EVI5L: variants seen among roughly 807,000 people sequenced by gnomAD.
EVI5L encodes the protein EVI5-like protein.
A neutral mutation model predicts 106.1 loss-of-function variants in EVI5L; 30 were observed. The ratio of observed to expected loss-of-function variants is 0.28; its 90% CI spans 0.21 to 0.38. EVI5L has a LOEUF of 0.38. EVI5L is among the 10% of genes least tolerant of loss of function. EVI5L has a pLI of 1.00. For missense variants in EVI5L, 809 were observed against 1,098.0 expected, an observed-to-expected ratio of 0.74 and a Z score of 3.72; for synonymous variants, 489 against 483.3, an observed-to-expected ratio of 1.01 and a Z score of -0.15.
At chr19:7,849,414 T>G in intron 5 of EVI5L, 84 bp downstream of exon 5, 1 of 1,448,716 alleles carries the variant, frequency 6.9e-7, no homozygotes. Context: ...AGAAGTGGCG[T>G]GTCCTCCACC....
intron 8 of EVI5L, among the ~76,000 whole-genome samples, chr19:7,852,001 G>A (rs79270900): frequency 6.6e-6 from 1 of 152,316 alleles, no homozygotes; most frequent in East Asian, 1.9e-4. Flanking sequence ...GCCGCAGGGA[G>A]ACAGGAGGCC....
At position 7,845,329 on chromosome 19, in the gene EVI5L, C is replaced by A. The variant is rs1265870369; in HGVS notation, c.-47-1167C>A. On this transcript the variant is annotated intron_variant, in intron 1 of 19. Transcript: ENST00000538904. The surrounding 1 kb of genome is among the most constrained non-coding windows in gnomAD (Gnocchi z 4.0). ...GAAGAAGCATGAAGGAACACCATCC[C>A]CAGCCGCTGCCTCCACTCCCATAGC... 6.6e-6 allele frequency among the ~76,000 whole-genome samples: 1 copy of A among 152,082 alleles called. No homozygotes were observed. The highest frequency in any genetic ancestry group is 1.5e-5 in the Non-Finnish European group (1 of 67,976).
intron 2 of EVI5L, among the ~76,000 whole-genome samples, chr19:7,847,107 C>T (rs1245097785): frequency 6.6e-6 from 1 of 152,172 alleles, no homozygotes; most frequent in Non-Finnish European, 1.5e-5. Flanking sequence ...GCCTGGCCAA[C>T]ATGGTGAAAT....
At position 7,857,961 on chromosome 19, in the gene EVI5L, G is replaced by C. The variant is rs1470198234; in HGVS notation, c.1234-230G>C. The C allele has an allele frequency of 3.5e-5, 19 of 549,096 alleles. No individual in the cohort carries two copies. The highest frequency in any genetic ancestry group is 5.9e-5 in the Non-Finnish European group (18 of 307,328). 34.0% of individuals were successfully genotyped at this position (549,096 alleles called of 1,614,324 possible). A position where few individuals can be genotyped will look rare whatever the true frequency, so the allele number is the denominator to read the frequency against. On this transcript the variant is annotated intron_variant, in intron 12 of 19. Coordinates refer to ENST00000538904, the MANE Select transcript of EVI5L (RefSeq NM_001159944.3). The surrounding 1 kb of genome is among the most constrained non-coding windows in gnomAD (Gnocchi z 4.5). ...AAGGAGATGGAGCTTTCCAAGCCCA[G>C]GGCTAGCTCTGTTCCTCCCGGGCTC...
intron 17 of EVI5L, 142 bp downstream of exon 17, chr19:7,862,676 G>A (rs1278210930): frequency 3.0e-6 from 2 of 660,136 alleles, no homozygotes; most frequent in Non-Finnish European, 4.2e-6. Flanking sequence ...CCCGCCCGCG[G>A]CCCCGCCTCC....
chr19:7,838,964 C>G (rs1000049662), intron 1 of EVI5L, among the ~76,000 whole-genome samples: 1 of 151,276 alleles, frequency 6.6e-6, no homozygotes. Context: ...CCAGTGCACT[C>G]CAGCCTGGGA....
chr19:7,831,226 AACACACACACACACACACACACAC>A (rs4045095), intron 1 of EVI5L, among the ~76,000 whole-genome samples: 2 of 130,364 alleles, frequency 1.5e-5, no homozygotes, highest in African/African-American at 5.9e-5. Context: ...GAAAACCCCA[AACACACACACACACACACACACAC>A]ACACACACAC....
chr19:7,849,642 G>A (rs554726976), intron 5 of EVI5L, among the ~76,000 whole-genome samples: 1 of 152,326 alleles, frequency 6.6e-6, no homozygotes, highest in East Asian at 1.9e-4. Flanking sequence ...ATCCAGCGTG[G>A]TGTTTATGGG....
chr19:7,834,026 G>T (rs1010040288), intron 1 of EVI5L, among the ~76,000 whole-genome samples: 1 of 152,302 alleles, frequency 6.6e-6, no homozygotes, highest in East Asian at 1.9e-4. Flanking sequence ...TTCTCAGCAT[G>T]CCACGATATG....
intron 1 of EVI5L, 38 bp from the exon 2 acceptor site, chr19:7,846,458 C>G: frequency 6.7e-7 from 1 of 1,490,628 alleles, no homozygotes. Flanking sequence ...GGAGTGGGCT[C>G]CCACCCAATG....
intron 1 of EVI5L, 120 bp from the exon 2 acceptor site, chr19:7,846,376 T>C (rs1454228828): frequency 1.2e-6 from 1 of 859,916 alleles, no homozygotes; most frequent in Non-Finnish European, 1.7e-6. Flanking sequence ...GGATGAGGGG[T>C]GCACGGACGG....
rs1568234188 is a variant in EVI5L at position 7,842,326 on chromosome 19, A to ATGTATCGTGTGTGCATGTGTGTGTGAATG, written c.-47-4164_-47-4163insGTGTGTGCATGTGTGTGTGAATGTGTATC. On this transcript the variant is annotated intron_variant, in intron 1 of 19. Transcript: ENST00000538904. Reference sequence around the variant, plus strand: ...TGCGTGTGTGAGAATGTATGAATGTATGTATCAAGTGTGTGCATGTGTGTG... The same window carrying ATGTATCGTGTGTGCATGTGTGTGTGAATG: ...TGCGTGTGTGAGAATGTATGAATGTATGTATCGTGTGTGCATGTGTGTGTGAATGTGTATCAAGTGTGTGCATGTGTGTG... 7.7e-5 allele frequency among the ~76,000 whole-genome samples: 3 copies of ATGTATCGTGTGTGCATGTGTGTGTGAATG among 38,738 alleles called. No homozygotes were observed. In the Admixed American group the frequency reaches 9.8e-4, roughly 13 times the overall value. 25.4% of individuals were successfully genotyped at this position (38,738 alleles called of 152,430 possible). A position where few individuals can be genotyped will look rare whatever the true frequency, so the allele number is the denominator to read the frequency against.
chr19:7,862,099 G>A, intron 15 of EVI5L, 23 bp from the exon 16 acceptor site: 1 of 1,553,600 alleles, frequency 6.4e-7, no homozygotes, highest in South Asian at 1.2e-5. Flanking sequence ...GCTGACCGCC[G>A]GCTTCTCGGC....
At chr19:7,831,226 AACACACACACACACACACAC>A (rs4045095) in intron 1 of EVI5L, among the ~76,000 whole-genome samples, 6 of 130,362 alleles carry the variant, frequency 4.6e-5, no homozygotes, top group Admixed American at 2.3e-4. Context: ...GAAAACCCCA[AACACACACACACACACACAC>A]ACACACACAC....
rs580790 is a variant in EVI5L at position 7,851,734 on chromosome 19, A to G, written c.951A>G (p.Ala317=). The stretch of plus-strand genomic sequence containing the variant: ...TCGCCCTGCTGCAGGTGAACCAGGC[A>G]GAGCTGATGCAGCTGGACATGGAGG... ...VGLALLQVNQ[A]ELMQLDMEGM... Residue 317 remains alanine, a synonymous_variant, in exon 8 of 20, where the codon GCA becomes GCG. Transcript: ENST00000538904. The G allele has an allele frequency of 0.84, 1,278,851 of 1,529,476 alleles. 536,278 individuals carry two copies. The highest frequency in any genetic ancestry group is 0.87 in the South Asian group (67,900 of 77,608). The allele number at this position is 1,529,476 out of a possible 1,614,324, so 94.7% of individuals were successfully genotyped here.
chr19:7,857,537 T>C lies in EVI5L; in HGVS notation c.1233+413T>C. On this transcript the variant is annotated intron_variant, in intron 12 of 19. Coordinates refer to ENST00000538904, the MANE Select transcript of EVI5L (RefSeq NM_001159944.3). This position sits in a 1 kb window ranked among gnomAD's most constrained non-coding sequence, Gnocchi z 4.5. Reference sequence around the variant, plus strand: ...ACACGCCCGGCCCTCACGCTGCTGCTCTCTGCTCCTACCTGCAATGCCTGC... The same window carrying C: ...ACACGCCCGGCCCTCACGCTGCTGCCCTCTGCTCCTACCTGCAATGCCTGC... 3.6e-6 allele frequency: 1 copy of C among 278,208 alleles called. No homozygotes were observed. The highest frequency in any genetic ancestry group is 6.9e-6 in the Non-Finnish European group (1 of 145,256). 17.2% of individuals were successfully genotyped at this position (278,208 alleles called of 1,614,324 possible).
chr19:7,843,838 C>G (rs1978824262), intron 1 of EVI5L, among the ~76,000 whole-genome samples: 1 of 151,940 alleles, frequency 6.6e-6, no homozygotes, highest in African/African-American at 2.4e-5. Flanking sequence ...TGTGCGTGCA[C>G]ACACGCTTCA....
At chr19:7,851,021 TGGGG>T (rs5826986) in intron 6 of EVI5L, among the ~76,000 whole-genome samples, 1 of 148,098 alleles carries the variant, frequency 6.8e-6, no homozygotes. Flanking sequence ...CGTAACAAGG[TGGGG>T]GGGGGGCTCC....
chr19:7,841,447 C>T (rs773838931), intron 1 of EVI5L, among the ~76,000 whole-genome samples: 8 of 151,896 alleles, frequency 5.3e-5, no homozygotes, highest in Non-Finnish European at 1.0e-4. Flanking sequence ...GAAGCATGCG[C>T]GGCAGTGCCC....
Sources: allele counts gnomAD v4.1 joint callset (sites outside exome capture counted in the v4.1 genomes callset), GRCh38; gene constraint gnomAD v4.1.1; non-coding constraint Gnocchi (gnomAD v3.1); transcripts MANE v1.5; gene names NCBI Gene and HGNC (gene_info 2026-07-23, HGNC 2026-07-21).